LANCL3: variants seen among roughly 807,000 people sequenced by gnomAD.
LANCL3 encodes LanC like family member 3.
In LANCL3, 19 loss-of-function variants were observed where a neutral mutation model predicts 26.5. The observed-to-expected ratio is 0.72, with a 90% CI of 0.50 to 1.05. The LOEUF (loss-of-function observed/expected upper bound fraction) is 1.05. Ranked by LOEUF, LANCL3 falls within the 50% of genes least tolerant of loss-of-function variation. The probability of loss-of-function intolerance (pLI) is 0.00; values close to 1 mark genes in which losing one functional copy is unlikely to be tolerated. For synonymous variants in LANCL3, 160 were observed against 166.6 expected (o/e 0.96, Z 0.30); for missense variants, 318 against 362.7 (o/e 0.88, Z 1.00).
intron 1 of LANCL3, among the ~76,000 whole-genome samples, chrX:37,654,186 T>G (rs1926227895): frequency 8.9e-6 from 1 of 112,793 alleles, no homozygotes; most frequent in Non-Finnish European, 1.9e-5. Context: ...AATTAATGAA[T>G]GGTATCCTCA....
At chrX:37,590,021 T>C (rs1388999819) in intron 1 of LANCL3, among the ~76,000 whole-genome samples, 1 of 112,761 alleles carries the variant, frequency 8.9e-6, no homozygotes, top group Non-Finnish European at 1.9e-5. Flanking sequence ...TTTTAAAAAC[T>C]GTAGGATCTT....
intron 1 of LANCL3, among the ~76,000 whole-genome samples, chrX:37,611,888 G>T (rs970071331): frequency 1.8e-5 from 2 of 111,629 alleles, no homozygotes; most frequent in Non-Finnish European, 3.8e-5. Context: ...CTGCCTGGCA[G>T]TTTCTAATAA....
chrX:37,680,896 A>T lies in LANCL3; in HGVS notation c.*5083A>T, dbSNP rs145014901. On this transcript the variant is annotated 3_prime_UTR_variant, in exon 5 of 5. Coordinates refer to ENST00000378619, the MANE Select transcript of LANCL3 (RefSeq NM_001170331.2). ...AAAAGAATGAGACTGACTTAAGGAG[A>T]GTCAATATCGCATATGAATCAAAAG... 1 of 111,588 alleles carries T rather than the reference A, an allele frequency of 9.0e-6. No homozygotes were observed. The highest frequency in any genetic ancestry group is 9.5e-5 in the Admixed American group (1 of 10,483). 9.2% of individuals were successfully genotyped at this position (111,588 alleles called of 1,213,427 possible).
intron 1 of LANCL3, among the ~76,000 whole-genome samples, chrX:37,614,266 A>G (rs1924952116): frequency 9.0e-6 from 1 of 111,691 alleles, no homozygotes; most frequent in East Asian, 2.8e-4. Context: ...GAACGTAAAA[A>G]AAATACCCAT....
At chrX:37,602,295 C>G (rs1924595171) in intron 1 of LANCL3, among the ~76,000 whole-genome samples, 1 of 112,143 alleles carries the variant, frequency 8.9e-6, no homozygotes, top group African/African-American at 3.2e-5. Flanking sequence ...GGCAGCTCCC[C>G]TTATTCTGCA....
intron 1 of LANCL3, among the ~76,000 whole-genome samples, chrX:37,591,504 G>A (rs1268671979): frequency 2.7e-5 from 3 of 111,464 alleles, no homozygotes; most frequent in Non-Finnish European, 3.8e-5. Flanking sequence ...AAAGATGACC[G>A]TGAGATGTGG....
At chrX:37,643,174 C>T (rs1925910020) in intron 1 of LANCL3, among the ~76,000 whole-genome samples, 1 of 111,911 alleles carries the variant, frequency 8.9e-6, no homozygotes, top group Admixed American at 9.5e-5. Context: ...ACAAAGTGTT[C>T]TAGTCCTTTA....
Position 37,642,561 on chromosome X carries a change from CA to C in LANCL3, c.574-13119del, listed in dbSNP as rs782361813. Among the ~76,000 whole-genome samples the C allele has an allele frequency of 8.7e-3, 951 of 109,381 alleles. 9 individuals carry two copies. Among genetic ancestry groups the C allele is most frequent in the Non-Finnish European group, 0.012 (621 of 52,334 alleles). The allele number at this position is 109,381 out of a possible 115,157, so 95.0% of individuals were successfully genotyped here. ...GCCTCACATATATATTCAAGGCAGC[CA>C]AAAAAAAGGAAAGGAAGATAACAGC... is the stretch of plus-strand genomic sequence containing the variant. On this transcript the variant is annotated intron_variant, in intron 1 of 4. Coordinates refer to ENST00000378619, the MANE Select transcript of LANCL3 (RefSeq NM_001170331.2).
intron 3 of LANCL3, among the ~76,000 whole-genome samples, chrX:37,661,004 G>T (rs1411641999): frequency 2.0e-4 from 17 of 85,654 alleles, no homozygotes; most frequent in African/African-American, 6.2e-4. Context: ...CCTTTTTTGT[G>T]GGCGGGGGGG....
At chrX:37,654,751 T>A (rs147420634) in intron 1 of LANCL3, among the ~76,000 whole-genome samples, 129 of 112,196 alleles carry the variant, frequency 1.1e-3, no homozygotes, top group Non-Finnish European at 2.0e-3. Flanking sequence ...TCAGACTCTG[T>A]GTTAGGCACC....
rs1416847105 is a variant in LANCL3 at position 37,581,150 on chromosome X, T to C, written c.573+8707T>C. Among the ~76,000 whole-genome samples the C allele has an allele frequency of 3.6e-5, 4 of 112,085 alleles. 1 individual carries two copies. Among genetic ancestry groups the C allele is most frequent in the Admixed American group, 1.9e-4 (2 of 10,573 alleles). On this transcript the variant is annotated intron_variant, in intron 1 of 4. Coordinates refer to ENST00000378619, the MANE Select transcript of LANCL3 (RefSeq NM_001170331.2). ...ACAACACTCTGAATTACAATTTTTT[T>C]CCCCAATTTTATGGGGTTGCCTGTC...
At chrX:37,670,348 G>T (rs1159919644) in intron 4 of LANCL3, among the ~76,000 whole-genome samples, 3 of 111,061 alleles carry the variant, frequency 2.7e-5, no homozygotes, top group Non-Finnish European at 5.7e-5. Flanking sequence ...TATTTTTCTT[G>T]TCAAAGTTTT....
chrX:37,654,557 C>A (rs1556430245), intron 1 of LANCL3, among the ~76,000 whole-genome samples: 1 of 112,076 alleles, frequency 8.9e-6, no homozygotes, highest in Admixed American at 9.5e-5. Context: ...TGCTCACTGT[C>A]ATATCTCCAG....
At chrX:37,594,614 C>T (rs1429322684) in intron 1 of LANCL3, among the ~76,000 whole-genome samples, 10 of 112,134 alleles carry the variant, frequency 8.9e-5, no homozygotes, top group African/African-American at 3.2e-4. Context: ...TTTCTGCTGC[C>T]TTGGGCTGGT....
At chrX:37,656,908 AG>A (rs782408220) in intron 2 of LANCL3, among the ~76,000 whole-genome samples, 24 of 113,151 alleles carry the variant, frequency 2.1e-4, no homozygotes, top group African/African-American at 7.4e-4. Context: ...CGCTGAGACA[AG>A]GATTTGGGTG....
chrX:37,591,730 TGG>T (rs112825811), intron 1 of LANCL3, among the ~76,000 whole-genome samples: 2 of 104,609 alleles, frequency 1.9e-5, no homozygotes, highest in African/African-American at 3.5e-5. Context: ...CAGCTGGTGG[TGG>T]GGGGGGTATG....
At chrX:37,626,622 A>G (rs1467250786) in intron 1 of LANCL3, among the ~76,000 whole-genome samples, 1 of 112,005 alleles carries the variant, frequency 8.9e-6, no homozygotes, top group Non-Finnish European at 1.9e-5. Flanking sequence ...TGACTGCTTT[A>G]TAGGCTCCTT....
intron 1 of LANCL3, among the ~76,000 whole-genome samples, chrX:37,573,455 T>A (rs1556416012): frequency 2.7e-5 from 3 of 111,888 alleles, no homozygotes; most frequent in African/African-American, 9.7e-5. Context: ...TTAACTTAGA[T>A]CACCTCTACA....
At position 37,617,058 on chromosome X, in the gene LANCL3, G is replaced by A. The variant is rs188237522; in HGVS notation, c.574-38630G>A. Among the ~76,000 whole-genome samples, 215 of 102,956 alleles carry A rather than the reference G, an allele frequency of 2.1e-3. 3 individuals are homozygous for A. The highest frequency in any genetic ancestry group is 6.4e-3 in the African/African-American group (182 of 28,538). The allele number at this position is 102,956 out of a possible 115,157, so 89.4% of individuals were successfully genotyped here. A position where few individuals can be genotyped will look rare whatever the true frequency, so the allele number is the denominator to read the frequency against. ...TAACTCAAAAAAATGACATTTGAAT[G>A]TGAATAATCAAATCTGATAAGAAAC... On this transcript the variant is annotated intron_variant, in intron 1 of 4. Transcript: ENST00000378619.
Sources: allele counts gnomAD v4.1 joint callset (sites outside exome capture counted in the v4.1 genomes callset), GRCh38; gene constraint gnomAD v4.1.1; transcripts MANE v1.5; gene names NCBI Gene and HGNC (gene_info 2026-07-23, HGNC 2026-07-21).